NXN: variants seen among roughly 807,000 people sequenced by gnomAD.
NXN encodes the protein nucleoredoxin.
Under a neutral mutation model 48.6 loss-of-function variants are expected in NXN, and 16 were observed. The observed-to-expected ratio is 0.33, with a 90% confidence interval of 0.22 to 0.50. The LOEUF (loss-of-function observed/expected upper bound fraction) is 0.50, where lower values mean the gene tolerates loss of function less well. Among genes scored for constraint, NXN ranks in the 20% least tolerant of loss-of-function variants. NXN has a pLI of 0.98. For missense variants in NXN, 492 were observed against 605.5 expected, an observed-to-expected ratio of 0.81 and a Z score of 1.97; for synonymous variants, 281 against 269.6, an observed-to-expected ratio of 1.04 and a Z score of -0.41.
At position 936,467 on chromosome 17, in the gene NXN, G is replaced by A. The variant is rs181182608; in HGVS notation, c.360+42852C>T. ...AGCCCATCCTGTCAGTGCACACGCCGCGTGCTGCCACCACCCAGCTCGATG... is the reference window on the plus strand; with the variant it reads ...AGCCCATCCTGTCAGTGCACACGCCACGTGCTGCCACCACCCAGCTCGATG... On this transcript the variant is annotated intron_variant, in intron 1 of 7. Transcript: ENST00000336868. Among the ~76,000 whole-genome samples the A allele has an allele frequency of 2.3e-3, 349 of 151,784 alleles. 2 individuals are homozygous for A. Among genetic ancestry groups the A allele is most frequent in the African/African-American group, 7.2e-3 (298 of 41,358 alleles).
intron 7 of NXN, among the ~76,000 whole-genome samples, chr17:802,621 G>C (rs923854827): frequency 3.9e-5 from 6 of 152,206 alleles, no homozygotes; most frequent in Non-Finnish European, 8.8e-5. Context: ...ATGCCGCGCA[G>C]CCTCCCTGGG....
intron 1 of NXN, among the ~76,000 whole-genome samples, chr17:912,209 C>T (rs1357358730): frequency 6.6e-6 from 1 of 151,828 alleles, no homozygotes; most frequent in Non-Finnish European, 1.5e-5. Flanking sequence ...AAGTGCTGGG[C>T]TTATAAGCGT....
intron 1 of NXN, among the ~76,000 whole-genome samples, chr17:945,329 G>A (rs867767494): frequency 1.3e-5 from 2 of 151,872 alleles, no homozygotes; most frequent in African/African-American, 2.4e-5. Flanking sequence ...TGATCCACTC[G>A]CCTCGGCGTC....
At chr17:801,443 CTT>C (rs71371579) in intron 7 of NXN, among the ~76,000 whole-genome samples, 32 of 104,302 alleles carry the variant, frequency 3.1e-4, no homozygotes, top group Non-Finnish European at 3.6e-4. Flanking sequence ...ATGTCACATT[CTT>C]TTTTTTTTTT....
chr17:844,440 ACCAGTTCACCCTAACC>A, intron 1 of NXN, among the ~76,000 whole-genome samples: 1 of 149,856 alleles, frequency 6.7e-6, no homozygotes, highest in East Asian at 1.9e-4. Flanking sequence ...GGGAGATGTC[ACCAGTTCACCCTAACC>A]CCAGCCCATC....
chr17:889,745 A>AACAAAGAAAG (rs2068393055), intron 1 of NXN, among the ~76,000 whole-genome samples: 1 of 58,128 alleles, frequency 1.7e-5, no homozygotes, highest in African/African-American at 8.1e-5. Context: ...GAAAGAAAGA[A>AACAAAGAAAG]AGAAAGAAAG....
At chr17:805,357 C>T (rs371610724) in intron 5 of NXN, 110 bp from the exon 6 acceptor site, 4 of 1,169,880 alleles carry the variant, frequency 3.4e-6, no homozygotes, top group African/African-American at 3.1e-5. Context: ...TGGAGCCCAC[C>T]GAGGACCTGG....
intron 1 of NXN, among the ~76,000 whole-genome samples, chr17:899,109 C>T (rs987018435): frequency 5.3e-5 from 8 of 151,974 alleles, no homozygotes; most frequent in African/African-American, 1.7e-4. Context: ...AGGCACCCAC[C>T]ACCATGCACA....
intron 4 of NXN, 105 bp from the exon 5 acceptor site, chr17:819,650 G>T: frequency 1.2e-6 from 1 of 806,274 alleles, no homozygotes; most frequent in Admixed American, 2.6e-5. Flanking sequence ...GCAGAAGCCG[G>T]GGTTTCTAAC....
chr17:920,848 G>A lies in NXN; in HGVS notation c.360+58471C>T, dbSNP rs573072742. 1.1e-4 allele frequency among the ~76,000 whole-genome samples: 17 copies of A among 151,640 alleles called. No individual in the cohort carries two copies. In the East Asian group the frequency reaches 2.7e-3, roughly 24 times the overall value. ...AGCGATTCTCTTGCCTCAACCTCCC[G>A]AGTAGTTGGGATTACAGGCGCCCGC... On this transcript the variant is annotated intron_variant, in intron 1 of 7. Coordinates refer to ENST00000336868, the MANE Select transcript of NXN (RefSeq NM_022463.5). This position sits in a 1 kb window ranked among gnomAD's most constrained non-coding sequence, Gnocchi z 4.6.
intron 1 of NXN, among the ~76,000 whole-genome samples, chr17:853,408 A>G (rs1448418950): frequency 6.6e-6 from 1 of 151,926 alleles, no homozygotes; most frequent in Non-Finnish European, 1.5e-5. Context: ...AGATCACGCC[A>G]CTGCCTTCTA....
At chr17:868,911 G>A (rs1389242664) in intron 1 of NXN, among the ~76,000 whole-genome samples, 2 of 152,316 alleles carry the variant, frequency 1.3e-5, no homozygotes, top group East Asian at 3.9e-4. Context: ...ATGTCCAGAT[G>A]CACAAAAAGG....
intron 1 of NXN, among the ~76,000 whole-genome samples, chr17:972,098 G>GTGT (rs1167823888): frequency 1.3e-5 from 2 of 152,102 alleles, no homozygotes; most frequent in African/African-American, 4.8e-5. Context: ...GTTGGGAGTT[G>GTGT]GAGACCAGCC....
At chr17:806,966 A>T (rs997023461) in intron 5 of NXN, among the ~76,000 whole-genome samples, 8 of 152,060 alleles carry the variant, frequency 5.3e-5, no homozygotes, top group African/African-American at 1.9e-4. Flanking sequence ...CCACACACAC[A>T]TGCGGCCGGC....
At chr17:976,968 G>A (rs1303433173) in intron 1 of NXN, among the ~76,000 whole-genome samples, 1 of 152,114 alleles carries the variant, frequency 6.6e-6, no homozygotes, top group Non-Finnish European at 1.5e-5. Flanking sequence ...GTTTCTCCAT[G>A]TTGGTCAGGC....
intron 1 of NXN, among the ~76,000 whole-genome samples, chr17:840,376 G>A (rs920162813): frequency 6.6e-6 from 1 of 151,696 alleles, no homozygotes; most frequent in African/African-American, 2.4e-5. Flanking sequence ...GTCTCGCTCT[G>A]CCGCCCAGGC....
chr17:840,967 A>G (rs1169099629), intron 1 of NXN, among the ~76,000 whole-genome samples: 1 of 152,104 alleles, frequency 6.6e-6, no homozygotes, highest in Non-Finnish European at 1.5e-5. Context: ...CCTCCACCGC[A>G]CGGCGGCGGG....
chr17:814,036 A>G (rs766000997), intron 5 of NXN, among the ~76,000 whole-genome samples: 19 of 151,956 alleles, frequency 1.3e-4, no homozygotes, highest in Non-Finnish European at 2.5e-4. Context: ...CAAGGCAGGC[A>G]GATCACATGA....
At chr17:805,662 C>T (rs112949758) in intron 5 of NXN, among the ~76,000 whole-genome samples, 2 of 103,064 alleles carry the variant, frequency 1.9e-5, no homozygotes, top group African/African-American at 3.2e-5. Context: ...CATGGTGAAA[C>T]CCCCGTCTCT....
Sources: allele counts gnomAD v4.1 joint callset (sites outside exome capture counted in the v4.1 genomes callset), GRCh38; gene constraint gnomAD v4.1.1; non-coding constraint Gnocchi (gnomAD v3.1); transcripts MANE v1.5; gene names NCBI Gene and HGNC (gene_info 2026-07-23, HGNC 2026-07-21).